Variants in DIAPH3 observed in about 807,000 individuals in gnomAD.
DIAPH3 encodes diaphanous related formin 3.
DIAPH3 carries 117 observed loss-of-function variants against 144.3 expected under a neutral mutation model. The observed-to-expected ratio is 0.81, with a 90% CI of 0.70 to 0.95. DIAPH3 has a LOEUF of 0.95. Ranked by LOEUF, DIAPH3 falls within the 40% of genes least tolerant of loss-of-function variation. The probability of loss-of-function intolerance (pLI) is 0.00; values close to 1 mark genes in which losing one functional copy is unlikely to be tolerated. For missense variants in DIAPH3, 1,421 were observed against 1,412.7 expected, an observed-to-expected ratio of 1.01 and a Z score of -0.09; for synonymous variants, 519 against 488.9, an observed-to-expected ratio of 1.06 and a Z score of -0.81.
chr13:59,683,443 G>A (rs2033049842), intron 27 of DIAPH3, among the ~76,000 whole-genome samples: 1 of 152,094 alleles, frequency 6.6e-6, no homozygotes, highest in Admixed American at 6.5e-5. Context: ...AGCAGCAGAT[G>A]ATGAATGAAG....
chr13:59,841,109 C>G (rs1229133273), intron 22 of DIAPH3, among the ~76,000 whole-genome samples: 1 of 152,074 alleles, frequency 6.6e-6, no homozygotes, highest in African/African-American at 2.4e-5. Flanking sequence ...CCGTTTCCAA[C>G]TTTTTTCTTT....
chr13:59,888,854 G>C (rs1270470137), intron 20 of DIAPH3, among the ~76,000 whole-genome samples: 1 of 151,672 alleles, frequency 6.6e-6, no homozygotes, highest in Non-Finnish European at 1.5e-5. Flanking sequence ...CCATTAGATA[G>C]AGAATTCTGA....
At chr13:59,797,588 ACAATAT>A (rs1229504026) in intron 25 of DIAPH3, among the ~76,000 whole-genome samples, 6 of 152,240 alleles carry the variant, frequency 3.9e-5, no homozygotes, top group African/African-American at 1.2e-4. Flanking sequence ...ACTGACTACA[ACAATAT>A]CACCTGCCAG....
chr13:59,734,222 T>C (rs1262058055), intron 27 of DIAPH3, among the ~76,000 whole-genome samples: 1 of 152,074 alleles, frequency 6.6e-6, no homozygotes, highest in Non-Finnish European at 1.5e-5. Context: ...CATGTTCCCA[T>C]CAAACAGCTT....
intron 27 of DIAPH3, among the ~76,000 whole-genome samples, chr13:59,766,798 AAAAG>A (rs903667022): frequency 3.3e-5 from 5 of 151,846 alleles, no homozygotes; most frequent in Non-Finnish European, 7.4e-5. Flanking sequence ...CAAAAAAAAA[AAAAG>A]AAAGAAAGAA....
intron 20 of DIAPH3, among the ~76,000 whole-genome samples, chr13:59,887,869 A>C (rs577490692): frequency 6.6e-6 from 1 of 151,948 alleles, no homozygotes; most frequent in Non-Finnish European, 1.5e-5. Context: ...TTGCTTCATA[A>C]ATTTTGATGC....
At chr13:59,905,442 A>C (rs1287694998) in intron 20 of DIAPH3, among the ~76,000 whole-genome samples, 2 of 151,646 alleles carry the variant, frequency 1.3e-5, no homozygotes, top group African/African-American at 2.4e-5. Flanking sequence ...CTTTCAATTT[A>C]GCAATTCAAA....
chr13:59,735,961 G>GCCC (rs1025476601), intron 27 of DIAPH3, among the ~76,000 whole-genome samples: 16 of 151,964 alleles, frequency 1.1e-4, no homozygotes, highest in African/African-American at 3.9e-4. Context: ...CCTCTGACAG[G>GCCC]CCCCAGTGTG....
chr13:59,855,635 C>T (rs1252988367), intron 22 of DIAPH3, among the ~76,000 whole-genome samples: 3 of 151,672 alleles, frequency 2.0e-5, no homozygotes, highest in African/African-American at 7.3e-5. Context: ...GAGTCATAAG[C>T]TGGCTTTACG....
At chr13:59,944,270 G>C (rs917815499) in intron 17 of DIAPH3, among the ~76,000 whole-genome samples, 15 of 152,034 alleles carry the variant, frequency 9.9e-5, no homozygotes, top group Non-Finnish European at 1.5e-5. Context: ...CATCTCAGTA[G>C]ATGGACCAGG....
intron 5 of DIAPH3, among the ~76,000 whole-genome samples, chr13:60,033,429 T>C (rs893661374): frequency 6.6e-6 from 1 of 152,232 alleles, no homozygotes; most frequent in Non-Finnish European, 1.5e-5. Flanking sequence ...TTTAATTGGC[T>C]CATGGTTCTG....
At chr13:60,029,911 C>T (rs1260728910) in intron 5 of DIAPH3, among the ~76,000 whole-genome samples, 1 of 152,098 alleles carries the variant, frequency 6.6e-6, no homozygotes, top group Non-Finnish European at 1.5e-5. Context: ...ATGGCCATGA[C>T]CTTCCGCATG....
chr13:60,145,980 T>C (rs1327108296), intron 1 of DIAPH3, among the ~76,000 whole-genome samples: 1 of 152,214 alleles, frequency 6.6e-6, no homozygotes, highest in Non-Finnish European at 1.5e-5. Context: ...CTTAAATTAT[T>C]GATAAAGTTT....
At chr13:59,835,540 T>G (rs1246299970) in intron 23 of DIAPH3, among the ~76,000 whole-genome samples, 1 of 151,706 alleles carries the variant, frequency 6.6e-6, no homozygotes, top group African/African-American at 2.4e-5. Flanking sequence ...TTATTATAAA[T>G]TTGGGGACTC....
chr13:60,029,343 C>T (rs1181797731), intron 5 of DIAPH3, among the ~76,000 whole-genome samples: 1 of 152,060 alleles, frequency 6.6e-6, no homozygotes, highest in Non-Finnish European at 1.5e-5. Flanking sequence ...GCCAGAGCCT[C>T]CTATCTCACA....
chr13:60,012,313 A>G (rs2053324341), intron 7 of DIAPH3, among the ~76,000 whole-genome samples: 1 of 152,234 alleles, frequency 6.6e-6, no homozygotes, highest in African/African-American at 2.4e-5. Flanking sequence ...GGGCCCAAGA[A>G]TATGAATTTT....
intron 25 of DIAPH3, among the ~76,000 whole-genome samples, chr13:59,797,250 G>A (rs1290229090): frequency 6.6e-6 from 1 of 151,990 alleles, no homozygotes; most frequent in African/African-American, 2.4e-5. Flanking sequence ...CTTAAATGTT[G>A]TCTGTCTCCT....
At chr13:59,828,168 T>A (rs558409913) in intron 24 of DIAPH3, among the ~76,000 whole-genome samples, 6 of 152,012 alleles carry the variant, frequency 3.9e-5, no homozygotes, top group Non-Finnish European at 8.8e-5. Context: ...TCTGAACTTT[T>A]GTCTTCACTC....
rs1229207705 is a variant in DIAPH3 at position 59,925,874 on chromosome 13, T to C, written c.2075-1004A>G. Among the ~76,000 whole-genome samples, 5 of 152,194 alleles carry C rather than the reference T, an allele frequency of 3.3e-5. 1 individual carries two copies. ...TATTTCTGTGGTATCAGTTGTAATA[T>C]CTCCTTTTTTGATTTTGATTTTATT... On this transcript the variant is annotated intron_variant, in intron 17 of 27. Transcript: ENST00000400324.
Sources: allele counts gnomAD v4.1 joint callset (sites outside exome capture counted in the v4.1 genomes callset), GRCh38; gene constraint gnomAD v4.1.1; transcripts MANE v1.5; gene names NCBI Gene and HGNC (gene_info 2026-07-23, HGNC 2026-07-21).